RAPGEF6: variants seen among roughly 807,000 people sequenced by gnomAD.
The protein encoded by RAPGEF6 is PDZ domain containing guanine nucleotide exchange factor (GEF) 2.
RAPGEF6 carries 56 observed loss-of-function variants against 171.4 expected under a neutral mutation model. The ratio of observed to expected loss-of-function variants is 0.33; its 90% CI spans 0.26 to 0.41. RAPGEF6 has a LOEUF of 0.41. Ranked by LOEUF, RAPGEF6 falls within the 10% of genes least tolerant of loss-of-function variation. The pLI is 1.00. For synonymous variants in RAPGEF6, 692 were observed against 650.1 expected (o/e 1.06, Z -0.98); for missense variants, 1,674 against 1,921.4 (o/e 0.87, Z 2.41).
chr5:131,495,694 TAA>T, intron 12 of RAPGEF6, 34 bp from the exon 13 acceptor site: 1 of 1,591,152 alleles, frequency 6.3e-7, no homozygotes, highest in Non-Finnish European at 8.6e-7. Flanking sequence ...CATATGGTTA[TAA>T]GAGGCATTCC....
chr5:131,429,732 C>T (rs1021081737), intron 26 of RAPGEF6, among the ~76,000 whole-genome samples: 1 of 152,098 alleles, frequency 6.6e-6, no homozygotes, highest in African/African-American at 2.4e-5. Context: ...TTTAACTTTG[C>T]TGGTACGGAG....
intron 15 of RAPGEF6, among the ~76,000 whole-genome samples, chr5:131,482,607 C>A (rs1361506320): frequency 2.6e-5 from 4 of 152,262 alleles, no homozygotes; most frequent in African/African-American, 9.6e-5. Context: ...CTGGCCAATA[C>A]TTTTTAAATC....
chr5:131,443,863 A>C (rs1308547905), intron 22 of RAPGEF6, among the ~76,000 whole-genome samples: 5 of 152,260 alleles, frequency 3.3e-5, no homozygotes, highest in African/African-American at 1.2e-4. Flanking sequence ...TAAATAAGTG[A>C]AATTATCTCA....
At chr5:131,435,371 A>T (rs1444150741) in intron 24 of RAPGEF6, among the ~76,000 whole-genome samples, 2 of 152,232 alleles carry the variant, frequency 1.3e-5, no homozygotes, top group Non-Finnish European at 2.9e-5. Context: ...GTAATAAGTA[A>T]ATTAAAAATA....
In RAPGEF6 at chr5:131,428,962, T is replaced by C. The variant is rs1469448412; in HGVS notation, c.4720A>G (p.Asn1574Asp). 18 of 1,614,118 alleles carry C rather than the reference T, an allele frequency of 1.1e-5. No homozygotes were observed. The East Asian group carries it at 4.0e-4, about 36-fold the overall frequency. ...SKIVTQPQRH[N>D]LQPFHPKLGD... ...AGTTTAGGATGGAATGGCTGCAAATTATGCCTCTGAGGCTGAGTTACAATC... is the reference window on the plus strand; with the variant it reads ...AGTTTAGGATGGAATGGCTGCAAATCATGCCTCTGAGGCTGAGTTACAATC... Residue 1574 changes from asparagine to aspartate, a missense_variant, in exon 27 of 28, where the codon AAT becomes GAT. By Grantham distance (23) the Asn-to-Asp change is conservative. This residue lies in a region of RAPGEF6 where 552 missense variants were observed against 574.2 expected (regional missense o/e 0.96). Transcript: ENST00000509018.
intron 27 of RAPGEF6, 99 bp from the exon 28 acceptor site, chr5:131,427,390 T>A: frequency 1.9e-6 from 2 of 1,068,816 alleles, no homozygotes; most frequent in Admixed American, 2.3e-5. Flanking sequence ...AACAAAGAAA[T>A]CCTCTCAAAC....
At chr5:131,549,941 CCT>C (rs775567369) in intron 5 of RAPGEF6, among the ~76,000 whole-genome samples, 2 of 152,192 alleles carry the variant, frequency 1.3e-5, no homozygotes, top group South Asian at 2.1e-4. Context: ...TCATTTAGCT[CCT>C]CTCTCTTTCC....
rs561992785 is a variant in RAPGEF6, at chr5:131,525,309, C to T, written c.496-3788G>A. ...TCAACAAATTACAAAAGACTGAAAC[C>T]AGGGAATATTCAGCAATAACACGCA... On this transcript the variant is annotated intron_variant, in intron 6 of 27. Transcript: ENST00000509018. Among the ~76,000 whole-genome samples the T allele has an allele frequency of 2.5e-4, 32 of 128,542 alleles. No individual in the cohort carries two copies. In the South Asian group the frequency reaches 8.2e-3, roughly 33 times the overall value. The allele number at this position is 128,542 out of a possible 152,430, so 84.3% of individuals were successfully genotyped here. A position where few individuals can be genotyped will look rare whatever the true frequency, so the allele number is the denominator to read the frequency against.
Position 131,521,509 on chromosome 5 carries a change from G to C in RAPGEF6, c.508C>G (p.Leu170Val). 1 of 1,602,966 alleles carries C rather than the reference G, an allele frequency of 6.2e-7. No homozygotes were observed. Among genetic ancestry groups the C allele is most frequent in the Non-Finnish European group, 8.5e-7 (1 of 1,175,874 alleles). ...TTTTCTGTGAGATGCATCTTGGTAAGATCAGCTGGAAGCTGAAAAAAAAAA... is the reference window on the plus strand; with the variant it reads ...TTTTCTGTGAGATGCATCTTGGTAACATCAGCTGGAAGCTGAAAAAAAAAA... ...VNSYLSLPADLTKMHLTENPH... is the reference protein window; with the variant it reads ...VNSYLSLPADVTKMHLTENPH... Residue 170 changes from leucine to valine, a missense_variant, in exon 7 of 28, where the codon CTT (leucine) becomes GTT (valine). Transcript: ENST00000509018.
At chr5:131,479,153 C>A (rs1755299258) in intron 16 of RAPGEF6, among the ~76,000 whole-genome samples, 1 of 148,892 alleles carries the variant, frequency 6.7e-6, no homozygotes. Flanking sequence ...AATGGTGCTG[C>A]AAAGGAAAAA....
intron 21 of RAPGEF6, chr5:131,447,498 C>A (rs1212680979): frequency 6.6e-6 from 1 of 152,148 alleles, no homozygotes. Flanking sequence ...GGCAAACATC[C>A]TACAACGACT....
Position 131,459,361 on chromosome 5 carries a change from G to T in RAPGEF6, c.2864+2344C>A, listed in dbSNP as rs565013998. Among the ~76,000 whole-genome samples, 4 of 152,198 alleles carry T rather than the reference G, an allele frequency of 2.6e-5. No homozygotes were observed. In the East Asian group the frequency reaches 7.7e-4, roughly 29 times the overall value. On this transcript the variant is annotated intron_variant, in intron 19 of 27. Coordinates refer to ENST00000509018, the MANE Select transcript of RAPGEF6 (RefSeq NM_016340.6). ...TGTTCTAAGAGCTCTCATTGTATTA[G>T]CTCATTGAATACTCTTAACCTTATT...
chr5:131,521,759 A>T (rs1758493793), intron 6 of RAPGEF6, among the ~76,000 whole-genome samples: 1 of 151,626 alleles, frequency 6.6e-6, no homozygotes, highest in Non-Finnish European at 1.5e-5. Flanking sequence ...TACTAATGAT[A>T]TTTCAGAGGA....
At chr5:131,468,374 G>T (rs1403845162) in intron 17 of RAPGEF6, among the ~76,000 whole-genome samples, 9 of 146,362 alleles carry the variant, frequency 6.1e-5, no homozygotes, top group African/African-American at 2.3e-4. Context: ...ATCAAGGTTT[G>T]TATTTCATAT....
intron 15 of RAPGEF6, among the ~76,000 whole-genome samples, chr5:131,484,800 G>A (rs1177716657): frequency 6.6e-6 from 1 of 152,088 alleles, no homozygotes; most frequent in Non-Finnish European, 1.5e-5. Flanking sequence ...TGTATGAACT[G>A]ATGTGAAAAA....
Position 131,611,990 on chromosome 5 carries a change from T to A in RAPGEF6, c.70-7297A>T, listed in dbSNP as rs190388507. Among the ~76,000 whole-genome samples, 9 of 152,224 alleles carry A rather than the reference T, an allele frequency of 5.9e-5. No individual in the cohort carries two copies. In the East Asian group the frequency reaches 1.5e-3, roughly 26 times the overall value. ...TCGACAAGATTTCCTGACTTTACAA[T>A]GATGCAAAAGCGATATGCATTCAGT... On this transcript the variant is annotated intron_variant, in intron 1 of 27. Coordinates refer to ENST00000509018, the MANE Select transcript of RAPGEF6 (RefSeq NM_016340.6).
intron 27 of RAPGEF6, among the ~76,000 whole-genome samples, chr5:131,428,395 C>G (rs889748286): frequency 6.6e-6 from 1 of 151,800 alleles, no homozygotes; most frequent in Non-Finnish European, 1.5e-5. Flanking sequence ...GCTTGGGCAA[C>G]AGAGTTAGAC....
At chr5:131,448,064 T>G (rs1752834668) in intron 21 of RAPGEF6, among the ~76,000 whole-genome samples, 1 of 152,098 alleles carries the variant, frequency 6.6e-6, no homozygotes, top group Admixed American at 6.6e-5. Flanking sequence ...GAAAACTAAT[T>G]CTAATTATTT....
At chr5:131,550,729 T>G (rs1344169361) in intron 5 of RAPGEF6, among the ~76,000 whole-genome samples, 2 of 152,246 alleles carry the variant, frequency 1.3e-5, no homozygotes, top group Non-Finnish European at 2.9e-5. Flanking sequence ...ATTGGCTTAT[T>G]GTGTATACAC....
Sources: gnomAD v4.1 joint callset for allele counts (sites outside exome capture counted in the v4.1 genomes callset) on GRCh38, gnomAD v4.1.1 for gene constraint, gnomAD v4.1.1 regional missense constraint, MANE v1.5 for transcripts, NCBI Gene and HGNC (gene_info 2026-07-23, HGNC 2026-07-21) for gene names.